The following GRIN2A variants were observed in gnomAD, a reference collection of about 807,000 sequenced individuals.
GRIN2A encodes the protein glutamate ionotropic receptor NMDA type subunit 2A.
In GRIN2A, 22 loss-of-function variants were observed where a neutral mutation model predicts 113.4. That is an observed-to-expected ratio of 0.19 (90% confidence interval 0.14 to 0.28). The LOEUF is 0.28. Ranked by LOEUF, GRIN2A falls within the 10% of genes least tolerant of loss-of-function variation. The pLI, the probability that GRIN2A is intolerant of heterozygous loss-of-function variation, is 1.00. For missense variants in GRIN2A, 1,502 were observed against 1,887.0 expected, an observed-to-expected ratio of 0.80 and a Z score of 3.78; for synonymous variants, 827 against 738.4, an observed-to-expected ratio of 1.12 and a Z score of -1.94.
intron 2 of GRIN2A, among the ~76,000 whole-genome samples, chr16:9,963,811 T>G (rs1038314431): frequency 6.6e-6 from 1 of 152,218 alleles, no homozygotes; most frequent in East Asian, 1.9e-4. Flanking sequence ...CCAGGTACTA[T>G]TCTAGGCACT....
intron 2 of GRIN2A, among the ~76,000 whole-genome samples, chr16:10,161,928 T>C (rs2049816566): frequency 6.6e-6 from 1 of 152,202 alleles, no homozygotes; most frequent in Non-Finnish European, 1.5e-5. Context: ...GATTATAAAT[T>C]GGACTCACCT....
chr16:9,828,201 A>C (rs2042422814), intron 9 of GRIN2A, among the ~76,000 whole-genome samples: 1 of 152,216 alleles, frequency 6.6e-6, no homozygotes, highest in African/African-American at 2.4e-5. Flanking sequence ...ACAGGGATGG[A>C]GCAAGAGGAA....
chr16:10,157,999 T>C (rs866358350), intron 2 of GRIN2A, among the ~76,000 whole-genome samples: 3 of 152,000 alleles, frequency 2.0e-5, no homozygotes, highest in African/African-American at 4.8e-5. Context: ...TATTTATTTT[T>C]ATTTATTTAT....
intron 2 of GRIN2A, among the ~76,000 whole-genome samples, chr16:10,127,647 T>A (rs1275384839): frequency 1.3e-5 from 2 of 152,130 alleles, no homozygotes; most frequent in Non-Finnish European, 2.9e-5. Context: ...CACCACTGTA[T>A]CCCTAGCAAC....
chr16:9,873,332 C>T (rs1429315732), intron 4 of GRIN2A, among the ~76,000 whole-genome samples: 1 of 152,118 alleles, frequency 6.6e-6, no homozygotes, highest in Non-Finnish European at 1.5e-5. Flanking sequence ...CACTTGTATA[C>T]CCCATACATT....
At chr16:10,097,109 G>A (rs2048309613) in intron 2 of GRIN2A, among the ~76,000 whole-genome samples, 4 of 152,172 alleles carry the variant, frequency 2.6e-5, no homozygotes, top group Admixed American at 1.3e-4. Flanking sequence ...TACAACACTC[G>A]CTAATCTCCC....
At chr16:10,062,798 G>T (rs1265358376) in intron 2 of GRIN2A, among the ~76,000 whole-genome samples, 2 of 152,062 alleles carry the variant, frequency 1.3e-5, no homozygotes, top group Non-Finnish European at 2.9e-5. Context: ...CTGGGAGGCA[G>T]AGGTTGCTGT....
chr16:9,982,654 G>A (rs1252616357), intron 2 of GRIN2A, among the ~76,000 whole-genome samples: 1 of 152,184 alleles, frequency 6.6e-6, no homozygotes, highest in Non-Finnish European at 1.5e-5. Context: ...CGGATTTTAT[G>A]TATTTCAATG....
At chr16:9,812,999 C>G (rs17204778) in intron 10 of GRIN2A, among the ~76,000 whole-genome samples, 30,717 of 152,194 alleles carry the variant, frequency 0.2, 3,630 homozygotes, top group Non-Finnish European at 0.27. Flanking sequence ...CAAAGCGTGC[C>G]TCAAACAGAA....
At chr16:9,826,268 C>T (rs1184979644) in intron 9 of GRIN2A, among the ~76,000 whole-genome samples, 1 of 152,210 alleles carries the variant, frequency 6.6e-6, no homozygotes, top group African/African-American at 2.4e-5. Context: ...CTTCCCACAA[C>T]ATAAATCTGC....
intron 2 of GRIN2A, chr16:10,111,307 ACAGCGTCAGCAG>A: frequency 1.1e-5 from 4 of 376,454 alleles, no homozygotes; most frequent in South Asian, 8.8e-5. Context: ...TCCCAGGCCC[ACAGCGTCAGCAG>A]CAGCGGCAGC....
intron 3 of GRIN2A, among the ~76,000 whole-genome samples, chr16:9,898,381 C>T (rs2043849615): frequency 6.6e-6 from 1 of 152,174 alleles, no homozygotes; most frequent in African/African-American, 2.4e-5. Context: ...GCTGCATAAG[C>T]TTCTTTAACT....
intron 4 of GRIN2A, among the ~76,000 whole-genome samples, chr16:9,890,591 C>T (rs2043674114): frequency 6.6e-6 from 1 of 152,150 alleles, no homozygotes; most frequent in Non-Finnish European, 1.5e-5. Context: ...CATGAAAATA[C>T]AGAGGGTTCG....
Position 9,762,866 on chromosome 16 carries a change from C to G in GRIN2A, c.*283G>C. 2.0e-6 allele frequency: 1 copy of G among 511,928 alleles called. No individual in the cohort carries two copies. The allele number at this position is 511,928 out of a possible 1,614,324, so 31.7% of individuals were successfully genotyped here. On this transcript the variant is annotated 3_prime_UTR_variant, in exon 13 of 13. Transcript: ENST00000330684. The stretch of plus-strand genomic sequence containing the variant: ...CAATGCATCATTATTGCCAACATAC[C>G]CAGTAGGCATGTCCCGGAGACTTGC...
intron 2 of GRIN2A, among the ~76,000 whole-genome samples, chr16:10,106,086 A>G (rs568628513): frequency 1.2e-3 from 186 of 152,238 alleles, no homozygotes; most frequent in Admixed American, 2.6e-3. Flanking sequence ...ACTGTGTGTG[A>G]AAAAAGACTT....
intron 2 of GRIN2A, among the ~76,000 whole-genome samples, chr16:10,053,047 C>CAAAA (rs34069709): frequency 0.081 from 10,556 of 130,186 alleles, 486 homozygotes; most frequent in Non-Finnish European, 0.1. Context: ...GACTCCATCT[C>CAAAA]AAAAAAAAAA....
Position 10,055,776 on chromosome 16 carries a change from T to C in GRIN2A, c.415-117225A>G, listed in dbSNP as rs184441968. On this transcript the variant is annotated intron_variant, in intron 2 of 12. Transcript: ENST00000330684. ...GGATCACCCACGCTACATTTACCCA[T>C]CCAATCTGAAACAATAAAAGCAATT... 1.0e-3 allele frequency among the ~76,000 whole-genome samples: 154 copies of C among 152,328 alleles called. 1 individual carries two copies. Among genetic ancestry groups the C allele is most frequent in the Non-Finnish European group, 1.9e-3 (127 of 68,026 alleles).
chr16:10,114,120 G>C (rs2048680044), intron 2 of GRIN2A, among the ~76,000 whole-genome samples: 1 of 152,174 alleles, frequency 6.6e-6, no homozygotes, highest in Non-Finnish European at 1.5e-5. Flanking sequence ...CTGAGCCTGA[G>C]TTCAACGCTG....
intron 2 of GRIN2A, among the ~76,000 whole-genome samples, chr16:10,119,555 C>T (rs1254295695): frequency 6.6e-6 from 1 of 152,098 alleles, no homozygotes; most frequent in Non-Finnish European, 1.5e-5. Context: ...CCCCGTGGTT[C>T]TCAACAGGGA....
Sources: gnomAD v4.1 joint callset for allele counts (sites outside exome capture counted in the v4.1 genomes callset) on GRCh38, gnomAD v4.1.1 for gene constraint, MANE v1.5 for transcripts, NCBI Gene and HGNC (gene_info 2026-07-23, HGNC 2026-07-21) for gene names.